Variants in FLYWCH1 observed in about 807,000 individuals in gnomAD.
FLYWCH1 encodes FLYWCH-type zinc finger-containing protein 1.
A neutral mutation model predicts 66.4 loss-of-function variants in FLYWCH1; 75 were observed. That is an observed-to-expected ratio of 1.13 (90% CI 0.94 to 1.37). The LOEUF is 1.37. FLYWCH1 is among the 40% of genes most tolerant of loss of function. FLYWCH1 has a pLI of 0.00. For synonymous variants in FLYWCH1, 595 were observed against 429.9 expected, an observed-to-expected ratio of 1.38 and a Z score of -4.75; for missense variants, 1,334 against 1,001.8, an observed-to-expected ratio of 1.33 and a Z score of -4.48.
At chr16:2,941,436 G>A (rs2071257416) in intron 9 of FLYWCH1, among the ~76,000 whole-genome samples, 1 of 152,140 alleles carries the variant, frequency 6.6e-6, no homozygotes, top group Non-Finnish European at 1.5e-5. Context: ...GGGCAACATG[G>A]TGAGACCTCG....
intron 9 of FLYWCH1, among the ~76,000 whole-genome samples, chr16:2,946,900 C>T (rs759415832): frequency 2.0e-5 from 3 of 152,072 alleles, no homozygotes; most frequent in Admixed American, 6.6e-5. Flanking sequence ...CTCTTGGCGA[C>T]GATGCAAAAT....
chr16:2,934,121 C>G, intron 6 of FLYWCH1, 142 bp downstream of exon 6: 1 of 1,101,558 alleles, frequency 9.1e-7, no homozygotes, highest in Non-Finnish European at 1.3e-6. Context: ...TGGCCCTGGC[C>G]TCCTACTCCT....
intron 2 of FLYWCH1, among the ~76,000 whole-genome samples, chr16:2,916,992 A>T (rs1434697516): frequency 4.8e-4 from 72 of 150,750 alleles, no homozygotes; most frequent in Non-Finnish European, 8.7e-4. Flanking sequence ...AAAAAAAAAA[A>T]AAAAATAACA....
chr16:2,938,313 G>T lies in FLYWCH1; in HGVS notation c.1907G>T (p.Arg636Leu). 1 of 1,609,002 alleles carries T rather than the reference G, an allele frequency of 6.2e-7. No homozygotes were observed. The highest frequency in any genetic ancestry group is 8.5e-7 in the Non-Finnish European group (1 of 1,178,024). Residue 636 changes from arginine (R) to leucine (L), a missense_variant, in exon 8 of 10, where the codon CGG (arginine) becomes CTG (leucine). Physicochemically the swap from Arg to Leu is moderately radical, Grantham distance 102 (BLOSUM62 -2). Transcript: ENST00000253928. ...KVYWMCRDQA[R>L]LGCRSRAITQ... ...TACTGGATGTGCCGGGACCAGGCTCGGCTGGGCTGCCGCAGCCGCGCCATA... is the reference window on the plus strand; with the variant it reads ...TACTGGATGTGCCGGGACCAGGCTCTGCTGGGCTGCCGCAGCCGCGCCATA...
chr16:2,936,278 C>T lies in FLYWCH1; in HGVS notation c.1514-843C>T, dbSNP rs1292354111. On this transcript the variant is annotated intron_variant, in intron 6 of 9. Transcript: ENST00000253928. ...GCCCCATGGTCACACCACCCCCTCC[C>T]GTGGCCTGGCGTCCCCACCTTCGTC... is the stretch of plus-strand genomic sequence containing the variant. The T allele has an allele frequency of 3.0e-5, 12 of 396,364 alleles. No individual in the cohort carries two copies. In the East Asian group the frequency reaches 3.6e-4, roughly 12 times the overall value. 24.6% of individuals were successfully genotyped at this position (396,364 alleles called of 1,614,324 possible). A position where few individuals can be genotyped will look rare whatever the true frequency, so the allele number is the denominator to read the frequency against.
intron 2 of FLYWCH1, among the ~76,000 whole-genome samples, chr16:2,916,508 G>T (rs1312672146): frequency 6.6e-6 from 1 of 151,822 alleles, no homozygotes; most frequent in African/African-American, 2.4e-5. Flanking sequence ...CTGGTGGCAG[G>T]TGCCTGTAGT....
rs1437099952 is a variant in FLYWCH1 at position 2,933,488 on chromosome 16, G to T, written c.1155G>T (p.Arg385Ser). Residue 385 changes from arginine (R) to serine (S), a missense_variant, in exon 5 of 10, where the codon AGG (arginine) becomes AGT (serine). Physicochemically the swap from Arg to Ser is moderately radical, Grantham distance 110 (BLOSUM62 -1). Transcript: ENST00000253928. ...RRGPGPLTLT[R>S]PRPRKRAKVE... ...GTCCGGGTCCCCTGACTCTCACCAG[G>T]CCTCGGCCCAGAAAGCGAGCAAAGG... The T allele has an allele frequency of 1.2e-6, 2 of 1,607,424 alleles. No homozygotes were observed. Among genetic ancestry groups the T allele is most frequent in the Non-Finnish European group, 8.5e-7 (1 of 1,177,420 alleles).
intron 2 of FLYWCH1, among the ~76,000 whole-genome samples, chr16:2,928,531 G>A (rs1189726413): frequency 6.6e-6 from 1 of 152,230 alleles, no homozygotes; most frequent in Non-Finnish European, 1.5e-5. Flanking sequence ...ATCCTGCACA[G>A]CCTTAAATCC....
chr16:2,943,824 C>T lies in FLYWCH1; in HGVS notation c.2111+3732C>T, dbSNP rs2071369263. 2.0e-5 allele frequency among the ~76,000 whole-genome samples: 3 copies of T among 152,080 alleles called. No homozygotes were observed. The South Asian group carries it at 6.2e-4, about 32-fold the overall frequency. ...TGGTGGCGAGCACCCGTAATCCCAG[C>T]TACTTGGAAGGCTGAGGCAGGAGAA... On this transcript the variant is annotated intron_variant, in intron 9 of 9. Transcript: ENST00000253928.
chr16:2,949,110 G>T lies in FLYWCH1; in HGVS notation c.*383G>T. On this transcript the variant is annotated 3_prime_UTR_variant, in exon 10 of 10. Transcript: ENST00000253928. ...ACCTGGCGAGGCCCCGCTCTGCTCA[G>T]CACGGTGCAAAGTGAATGCTGCTGT... The T allele has an allele frequency of 3.6e-6, 1 of 276,494 alleles. No homozygotes were observed. Among genetic ancestry groups the T allele is most frequent in the Non-Finnish European group, 7.0e-6 (1 of 141,860 alleles). 17.1% of individuals were successfully genotyped at this position (276,494 alleles called of 1,614,324 possible). A position where few individuals can be genotyped will look rare whatever the true frequency, so the allele number is the denominator to read the frequency against.
chr16:2,912,176 CG>C (rs1215100625), intron 1 of FLYWCH1, 22 bp downstream of exon 1: 1 of 152,186 alleles, frequency 6.6e-6, no homozygotes, highest in African/African-American at 2.4e-5. Context: ...CCCCTGCGGG[CG>C]GGGAATGTCC....
Position 2,933,170 on chromosome 16 carries a change from G to C in FLYWCH1, c.837G>C (p.Gly279=). The part of the protein sequence containing the change: ...RPLEFLRTCY[G]GSFLVHESFL... Reference sequence around the variant, plus strand: ...TCGAGTTCCTGAGGACGTGCTACGGGGGCAGCTTCCTGGTACACGAGTCGT... The same window carrying C: ...TCGAGTTCCTGAGGACGTGCTACGGCGGCAGCTTCCTGGTACACGAGTCGT... Residue 279 remains glycine (G), a synonymous_variant, in exon 5 of 10, where the codon GGG becomes GGC. Coordinates refer to ENST00000253928, the MANE Select transcript of FLYWCH1 (RefSeq NM_001308068.2). The C allele has an allele frequency of 6.2e-7, 1 of 1,613,736 alleles. No homozygotes were observed. The highest frequency in any genetic ancestry group is 8.5e-7 in the Non-Finnish European group (1 of 1,179,846).
At chr16:2,947,422 C>T (rs1293342617) in intron 9 of FLYWCH1, among the ~76,000 whole-genome samples, 2 of 151,852 alleles carry the variant, frequency 1.3e-5, no homozygotes, top group Non-Finnish European at 2.9e-5. Context: ...GTACACTTAA[C>T]GGATTTTATG....
intron 9 of FLYWCH1, among the ~76,000 whole-genome samples, chr16:2,942,431 A>C (rs1188145260): frequency 2.0e-5 from 3 of 152,186 alleles, no homozygotes; most frequent in Non-Finnish European, 4.4e-5. Context: ...TACAAGCATG[A>C]GCCGCAATGC....
chr16:2,939,864 C>T, intron 8 of FLYWCH1, 168 bp from the exon 9 acceptor site: 1 of 658,614 alleles, frequency 1.5e-6, no homozygotes, highest in Non-Finnish European at 2.5e-6. Flanking sequence ...CAAGTAGCTG[C>T]TGTTACCTGG....
At chr16:2,922,463 A>C in intron 2 of FLYWCH1, 1 of 228,894 alleles carries the variant, frequency 4.4e-6, no homozygotes, top group Non-Finnish European at 8.6e-6. Context: ...GTGCCCATGA[A>C]ACACTCCCTC....
At chr16:2,929,285 G>A (rs1275378713) in intron 2 of FLYWCH1, among the ~76,000 whole-genome samples, 1 of 152,194 alleles carries the variant, frequency 6.6e-6, no homozygotes, top group Non-Finnish European at 1.5e-5. Context: ...GGACTGGAGG[G>A]GGGACTGGAA....
intron 9 of FLYWCH1, among the ~76,000 whole-genome samples, chr16:2,941,041 G>A (rs1474503641): frequency 1.3e-5 from 2 of 152,202 alleles, no homozygotes; most frequent in Non-Finnish European, 2.9e-5. Flanking sequence ...AGAGGTTGCA[G>A]TGAGCCAAGA....
chr16:2,932,149 G>T lies in FLYWCH1; in HGVS notation c.797-981G>T, dbSNP rs1406553497. On this transcript the variant is annotated intron_variant, in intron 4 of 9. Coordinates refer to ENST00000253928, the MANE Select transcript of FLYWCH1 (RefSeq NM_001308068.2). ...AAAAAAAAAAAATTAGCTGGGCGTGGAGGCGCCTGCAATCCCAGTTACTCG... is the reference window on the plus strand; with the variant it reads ...AAAAAAAAAAAATTAGCTGGGCGTGTAGGCGCCTGCAATCCCAGTTACTCG... 4.0e-5 allele frequency among the ~76,000 whole-genome samples: 6 copies of T among 150,180 alleles called. 1 individual carries two copies. Among genetic ancestry groups the T allele is most frequent in the Admixed American group, 4.0e-4 (6 of 15,068 alleles).
Sources: allele counts gnomAD v4.1 joint callset (sites outside exome capture counted in the v4.1 genomes callset), GRCh38; gene constraint gnomAD v4.1.1; transcripts MANE v1.5; gene names NCBI Gene and HGNC (gene_info 2026-07-23, HGNC 2026-07-21).